The following ADAMTS10 variants were observed in gnomAD, a reference collection of about 807,000 sequenced individuals.
The protein encoded by ADAMTS10 is A disintegrin and metalloproteinase with thrombospondin motifs 10.
In ADAMTS10, 48 loss-of-function variants were observed where a neutral mutation model predicts 135.9. That is an observed-to-expected ratio of 0.35 (90% CI 0.28 to 0.45). The LOEUF (loss-of-function observed/expected upper bound fraction) is 0.45, where lower values mean the gene tolerates loss of function less well. ADAMTS10 is among the 20% of genes least tolerant of loss of function. The probability of loss-of-function intolerance (pLI) is 1.00; values close to 1 mark genes in which losing one functional copy is unlikely to be tolerated. For missense variants in ADAMTS10, 1,131 were observed against 1,565.2 expected (o/e 0.72, Z 4.68); for synonymous variants, 621 against 647.5 (o/e 0.96, Z 0.62).
At chr19:8,597,452 AG>A (rs1214067542) in intron 6 of ADAMTS10, 135 bp from the exon 7 acceptor site, 2 of 803,110 alleles carry the variant, frequency 2.5e-6, no homozygotes, top group Non-Finnish European at 4.1e-6. Context: ...ACCTGCTATT[AG>A]GGTTTTTTGT....
chr19:8,592,942 G>A, intron 12 of ADAMTS10, 72 bp from the exon 13 acceptor site: 1 of 1,387,618 alleles, frequency 7.2e-7, no homozygotes, highest in Admixed American at 1.9e-5. Flanking sequence ...CGGCTTGGGA[G>A]GACCCAGATG....
In ADAMTS10 at chr19:8,586,252, C is replaced by A; in HGVS notation, c.2531-1G>T. ...CACTCCACCGCCTGCACCTGGCTAC[C>A]TGGAGGGGAGGGTGAGAGGCCTGCT... On this transcript the variant is annotated splice_acceptor_variant, in intron 21 of 25. Coordinates refer to ENST00000597188, the MANE Select transcript of ADAMTS10 (RefSeq NM_030957.4). LOFTEE classifies it high-confidence loss of function. 1 of 1,613,198 alleles carries A rather than the reference C, an allele frequency of 6.2e-7. No homozygotes were observed. The highest frequency in any genetic ancestry group is 1.1e-5 in the South Asian group (1 of 91,044).
At chr19:8,599,120 A>C (rs1226242325) in intron 6 of ADAMTS10, among the ~76,000 whole-genome samples, 1 of 151,758 alleles carries the variant, frequency 6.6e-6, no homozygotes, top group Non-Finnish European at 1.5e-5. Flanking sequence ...TTATATCTCC[A>C]TTTGATACAC....
At chr19:8,585,740 C>T in intron 22 of ADAMTS10, 80 bp from the exon 23 acceptor site, 1 of 1,384,810 alleles carries the variant, frequency 7.2e-7, no homozygotes, top group Non-Finnish European at 1.0e-6. Flanking sequence ...ATAGCCTACC[C>T]CCACCCTTCC....
At chr19:8,592,212 A>ATGGGGCTGGAAGGGGG in intron 13 of ADAMTS10, 109 bp from the exon 14 acceptor site, 2 of 1,565,610 alleles carry the variant, frequency 1.3e-6, no homozygotes, top group Middle Eastern at 2.1e-4. Flanking sequence ...CCTCTCCGGG[A>ATGGGGCTGGAAGGGGG]TGGGCAGAGG....
In ADAMTS10 at chr19:8,596,742, T is replaced by C. The variant is rs2042610026; in HGVS notation, c.1041-157A>G. ...AGGAGTGACTGACCACATGAATGAA[T>C]GAATGCATGCATGCATGCATGAGTG... On this transcript the variant is annotated intron_variant, in intron 8 of 25. Transcript: ENST00000597188. The surrounding 1 kb of genome is among the most constrained non-coding windows in gnomAD (Gnocchi z 7.2). Among the ~76,000 whole-genome samples the C allele has an allele frequency of 6.6e-6, 1 of 152,054 alleles. No individual in the cohort carries two copies. Among genetic ancestry groups the C allele is most frequent in the Non-Finnish European group, 1.5e-5 (1 of 67,998 alleles).
Position 8,580,908 on chromosome 19 carries a change from G to T in ADAMTS10, c.3297C>A (p.Thr1099=). Residue 1099 remains threonine, a synonymous_variant, in exon 26 of 26, where the codon ACC becomes ACA. Transcript: ENST00000597188. ...CGCGCGCCCCCTAGTGGCCATGGCA[G>T]GTTTTGCAGCACATCTGGCGGAAGT... is the stretch of plus-strand genomic sequence containing the variant. ...RAYFRQMCCK[T]CHGH 1 of 1,611,358 alleles carries T rather than the reference G, an allele frequency of 6.2e-7. No individual in the cohort carries two copies. Among genetic ancestry groups the T allele is most frequent in the Non-Finnish European group, 8.5e-7 (1 of 1,178,932 alleles).
At chr19:8,595,652 C>T (rs75983914) in intron 12 of ADAMTS10, 110 bp downstream of exon 12, 22 of 1,546,702 alleles carry the variant, frequency 1.4e-5, no homozygotes, top group African/African-American at 1.4e-4. Context: ...CCCCCCTTCC[C>T]GGTTCTCCCA....
intron 1 of ADAMTS10, among the ~76,000 whole-genome samples, chr19:8,609,031 G>T (rs1555743055): frequency 6.6e-6 from 1 of 151,780 alleles, no homozygotes; most frequent in Non-Finnish European, 1.5e-5. Flanking sequence ...ACAAGGCAGT[G>T]GGTCTGGGGC....
In ADAMTS10 at chr19:8,605,701, C is replaced by T. The variant is rs143780237; in HGVS notation, c.10G>A (p.Ala4Thr). Residue 4 changes from alanine to threonine, a missense_variant, in exon 3 of 26, where the codon GCC becomes ACC. Around this residue, in one of 3 missense-constraint regions of ADAMTS10, gnomAD observed 306 missense variants for 344.4 expected, o/e 0.89. Transcript: ENST00000597188. This position sits in a 1 kb window ranked among gnomAD's most constrained non-coding sequence, Gnocchi z 7.7. MAPACQILRWALAL... is the reference protein window; with the variant it reads MAPTCQILRWALAL... Reference sequence around the variant, plus strand: ...AGGGCCCAGCGGAGGATCTGGCAGGCGGGAGCCATAGAGGCCACGTGTCCA... The same window carrying T: ...AGGGCCCAGCGGAGGATCTGGCAGGTGGGAGCCATAGAGGCCACGTGTCCA... 4.6e-5 allele frequency: 74 copies of T among 1,608,618 alleles called. 1 individual carries two copies. Among genetic ancestry groups the T allele is most frequent in the Admixed American group, 1.0e-4 (6 of 59,626 alleles).
At chr19:8,610,204 C>T (rs553786064) in intron 1 of ADAMTS10, among the ~76,000 whole-genome samples, 2 of 152,112 alleles carry the variant, frequency 1.3e-5, no homozygotes, top group Admixed American at 6.5e-5. Flanking sequence ...GACACACACA[C>T]ACAGGTATTT....
At position 8,591,998 on chromosome 19, in the gene ADAMTS10, C is replaced by T. The variant is rs1555739082; in HGVS notation, c.1693G>A (p.Gly565Ser). ...PWGDCSRTCG[G>S]GVSSSSRHCD... ...TGACGGCTAGAAGAGGACACGCCGC[C>T]GCCACAGGTCCGGCTGCAGTCGCCC... Residue 565 changes from glycine to serine, a missense_variant, in exon 14 of 26, where the codon GGC (glycine) becomes AGC (serine). By Grantham distance (56) the Gly-to-Ser change is moderately conservative. Coordinates refer to ENST00000597188, the MANE Select transcript of ADAMTS10 (RefSeq NM_030957.4). 9 of 1,613,540 alleles carry T rather than the reference C, an allele frequency of 5.6e-6. No homozygotes were observed. Among genetic ancestry groups the T allele is most frequent in the Admixed American group, 1.7e-5 (1 of 59,986 alleles).
intron 7 of ADAMTS10, 47 bp from the exon 8 acceptor site, chr19:8,597,179 A>G (rs1330575159): frequency 8.7e-6 from 14 of 1,613,954 alleles, no homozygotes; most frequent in African/African-American, 1.3e-5. Context: ...CACCCAGGGG[A>G]CGGCAGGACA....
Position 8,589,437 on chromosome 19 carries a change from G to A in ADAMTS10, c.2034+15C>T. On this transcript the variant is annotated intron_variant, in intron 17 of 25. Transcript: ENST00000597188. ...CTCCCCATCCCCTCTCCACCTCCCTGGGAGTCCCCTCCACCTTGCATTCGC... is the reference window on the plus strand; with the variant it reads ...CTCCCCATCCCCTCTCCACCTCCCTAGGAGTCCCCTCCACCTTGCATTCGC... 6.3e-7 allele frequency: 1 copy of A among 1,577,776 alleles called. No homozygotes were observed. The highest frequency in any genetic ancestry group is 8.6e-7 in the Non-Finnish European group (1 of 1,163,918).
intron 12 of ADAMTS10, among the ~76,000 whole-genome samples, chr19:8,593,731 C>T (rs1412273983): frequency 1.3e-5 from 2 of 152,006 alleles, no homozygotes; most frequent in Non-Finnish European, 2.9e-5. Flanking sequence ...CAGCGTCTTT[C>T]CTCTAAAAAG....
chr19:8,586,796 C>T lies in ADAMTS10; in HGVS notation c.2239+20G>A. On this transcript the variant is annotated intron_variant, in intron 19 of 25. Coordinates refer to ENST00000597188, the MANE Select transcript of ADAMTS10 (RefSeq NM_030957.4). Reference sequence around the variant, plus strand: ...CCCCACTGACCCCTAATCCTCATCCCCTCCCCACCATCTGCTCACCCAAGT... The same window carrying T: ...CCCCACTGACCCCTAATCCTCATCCTCTCCCCACCATCTGCTCACCCAAGT... 14 of 1,614,094 alleles carry T rather than the reference C, an allele frequency of 8.7e-6. No homozygotes were observed. The highest frequency in any genetic ancestry group is 1.1e-5 in the Non-Finnish European group (13 of 1,180,012).
rs2042612974 is a variant in ADAMTS10, at chr19:8,597,028, C to A, written c.999G>T (p.Glu333Asp). The A allele has an allele frequency of 1.2e-6, 2 of 1,614,002 alleles. No individual in the cohort carries two copies. Among genetic ancestry groups the A allele is most frequent in the African/African-American group, 1.3e-5 (1 of 74,918 alleles). ...CTGTGTCATGGTTAGCCACACCGTTCTCTGGAATGGCATTGCCATGGCCGC... is the reference window on the plus strand; with the variant it reads ...CTGTGTCATGGTTAGCCACACCGTTATCTGGAATGGCATTGCCATGGCCGC... ...NHSGHGNAIP[E>D]NGVANHDTAV... The change falls in exon 8 of 26, where the codon GAG (glutamate) becomes GAT (aspartate). Residue 333 changes from glutamate (E) to aspartate (D), a missense_variant. By Grantham distance (45) the Glu-to-Asp change is conservative (BLOSUM62 2). Transcript: ENST00000597188.
intron 25 of ADAMTS10, among the ~76,000 whole-genome samples, chr19:8,584,113 G>A (rs1301185151): frequency 7.3e-6 from 1 of 136,950 alleles, no homozygotes; most frequent in African/African-American, 2.8e-5. Context: ...GCCGAGATCA[G>A]GTCACTGCAC....
intron 4 of ADAMTS10, 24 bp from the exon 5 acceptor site, chr19:8,603,908 A>G (rs782173553): frequency 2.2e-4 from 348 of 1,589,884 alleles, no homozygotes; most frequent in Non-Finnish European, 2.9e-4. Context: ...AGTGGGATAG[A>G]AAGCTCTCAG....
Sources: allele counts gnomAD v4.1 joint callset (sites outside exome capture counted in the v4.1 genomes callset), GRCh38; gene constraint gnomAD v4.1.1; regional missense constraint gnomAD v4.1.1; non-coding constraint Gnocchi (gnomAD v3.1); transcripts MANE v1.5; gene names NCBI Gene and HGNC (gene_info 2026-07-23, HGNC 2026-07-21).